The following TMED10 variants were observed in gnomAD, a reference collection of about 807,000 sequenced individuals.
TMED10 encodes transmembrane emp24 domain-containing protein 10.
TMED10 carries 7 observed loss-of-function variants against 23.1 expected under a neutral mutation model. The observed-to-expected ratio is 0.30, with a 90% CI of 0.17 to 0.57. TMED10 has a LOEUF of 0.57. TMED10 is among the 20% of genes least tolerant of loss of function. TMED10 has a pLI of 0.91. For synonymous variants in TMED10, 113 were observed against 106.9 expected, an observed-to-expected ratio of 1.06 and a Z score of -0.35; for missense variants, 162 against 274.8, an observed-to-expected ratio of 0.59 and a Z score of 2.90.
intron 3 of TMED10, among the ~76,000 whole-genome samples, chr14:75,147,314 G>A (rs1205743934): frequency 2.6e-5 from 4 of 151,058 alleles, no homozygotes; most frequent in Non-Finnish European, 4.4e-5. Context: ...TCAGCCTCCC[G>A]AGTAGACTAG....
At chr14:75,147,643 G>A in intron 3 of TMED10, 21 bp downstream of exon 3, 5 of 1,612,956 alleles carry the variant, frequency 3.1e-6, no homozygotes, top group African/African-American at 2.7e-5. Flanking sequence ...TGCCTCCTCT[G>A]GCTGTTAGAG....
intron 3 of TMED10, among the ~76,000 whole-genome samples, chr14:75,145,123 G>A (rs1473904190): frequency 6.6e-6 from 1 of 152,354 alleles, no homozygotes; most frequent in Non-Finnish European, 1.5e-5. Flanking sequence ...GTTAAAGAAA[G>A]TAGTGGGGAG....
intron 1 of TMED10, among the ~76,000 whole-genome samples, chr14:75,163,327 C>T (rs916322648): frequency 1.3e-5 from 2 of 151,830 alleles, no homozygotes; most frequent in Non-Finnish European, 2.9e-5. Flanking sequence ...TTGAGGCAGG[C>T]AGATCACTTG....
At chr14:75,175,039 CAAAAAAAAAA>C (rs57423430) in intron 1 of TMED10, among the ~76,000 whole-genome samples, 10 of 87,058 alleles carry the variant, frequency 1.1e-4, no homozygotes, top group African/African-American at 3.1e-4. Context: ...GACTCCGTCT[CAAAAAAAAAA>C]AAAAAAAAAA....
intron 1 of TMED10, among the ~76,000 whole-genome samples, chr14:75,163,472 G>C (rs1176122249): frequency 2.8e-5 from 4 of 143,998 alleles, no homozygotes; most frequent in Non-Finnish European, 6.0e-5. Flanking sequence ...AGAATCGCTT[G>C]AACCCGGGAG....
intron 2 of TMED10, among the ~76,000 whole-genome samples, chr14:75,150,727 T>C (rs1237295713): frequency 6.6e-6 from 1 of 152,150 alleles, no homozygotes. Context: ...ACACTTAATA[T>C]TTGCACAACG....
chr14:75,174,757 ACGAGGCCAGG>A (rs1236631536), intron 1 of TMED10, among the ~76,000 whole-genome samples: 5 of 152,018 alleles, frequency 3.3e-5, no homozygotes, highest in African/African-American at 1.2e-4. Flanking sequence ...AAAAGTAAAA[ACGAGGCCAGG>A]CGCGGTGGCT....
At chr14:75,147,185 G>GTTTTTTTTTTGTTTTTTTTTTTTTTTTT (rs1491353231) in intron 3 of TMED10, among the ~76,000 whole-genome samples, 8 of 116,634 alleles carry the variant, frequency 6.9e-5, no homozygotes, top group African/African-American at 3.0e-4. Flanking sequence ...CTTCAAGGCT[G>GTTTTTTTTTTGTTTTTTTTTTTTTTTTT]TTTTTTTTTT....
At position 75,134,741 on chromosome 14, in the gene TMED10, C is replaced by G; in HGVS notation, c.*144G>C. The G allele has an allele frequency of 9.3e-7, 1 of 1,076,700 alleles. No individual in the cohort carries two copies. Among genetic ancestry groups the G allele is most frequent in the Non-Finnish European group, 1.3e-6 (1 of 749,304 alleles). 66.7% of individuals were successfully genotyped at this position (1,076,700 alleles called of 1,614,324 possible). A position where few individuals can be genotyped will look rare whatever the true frequency, so the allele number is the denominator to read the frequency against. On this transcript the variant is annotated 3_prime_UTR_variant, in exon 5 of 5. Coordinates refer to ENST00000303575, the MANE Select transcript of TMED10 (RefSeq NM_006827.6). ...TTGGGTGTAGGTGGTACCCCATGTCCTCCCACACCAAAAGAGATCAGTTCT... is the reference window on the plus strand; with the variant it reads ...TTGGGTGTAGGTGGTACCCCATGTCGTCCCACACCAAAAGAGATCAGTTCT...
At chr14:75,157,610 A>G (rs938628783) in intron 1 of TMED10, among the ~76,000 whole-genome samples, 8 of 151,454 alleles carry the variant, frequency 5.3e-5, no homozygotes, top group African/African-American at 1.9e-4. Flanking sequence ...TGATTGTGCC[A>G]CTGCACTCCA....
chr14:75,165,298 G>T (rs766615357), intron 1 of TMED10, among the ~76,000 whole-genome samples: 2 of 152,032 alleles, frequency 1.3e-5, no homozygotes, highest in Non-Finnish European at 2.9e-5. Flanking sequence ...CATGATCTTG[G>T]CTCACCACAA....
At chr14:75,164,226 C>T (rs1006287108) in intron 1 of TMED10, among the ~76,000 whole-genome samples, 289 of 145,932 alleles carry the variant, frequency 2.0e-3, no homozygotes, top group Non-Finnish European at 2.9e-3. Flanking sequence ...CCACCATGCC[C>T]GGCTTTTTTT....
intron 3 of TMED10, 48 bp from the exon 4 acceptor site, chr14:75,135,934 T>C (rs1895743848): frequency 6.2e-7 from 1 of 1,600,722 alleles, no homozygotes; most frequent in Non-Finnish European, 8.5e-7. Flanking sequence ...ATCGCTTCAG[T>C]CAAGAACATA....
intron 1 of TMED10, among the ~76,000 whole-genome samples, chr14:75,166,213 A>G (rs1896160638): frequency 1.3e-5 from 2 of 152,276 alleles, no homozygotes; most frequent in East Asian, 1.9e-4. Context: ...GATTTCCCAC[A>G]TTTTATGTTG....
In TMED10 at chr14:75,147,651, G is replaced by A. The variant is rs753496318; in HGVS notation, c.411+13C>T. ...ACACTGCTGCCTCCTCTGGCTGTTA[G>A]AGCAGGACATACCTCTTCGTAATTT... On this transcript the variant is annotated intron_variant, in intron 3 of 4. Coordinates refer to ENST00000303575, the MANE Select transcript of TMED10 (RefSeq NM_006827.6). 6.2e-7 allele frequency: 1 copy of A among 1,613,880 alleles called. No individual in the cohort carries two copies. Among genetic ancestry groups the A allele is most frequent in the African/African-American group, 1.3e-5 (1 of 74,934 alleles).
chr14:75,172,184 G>A (rs1896242271), intron 1 of TMED10, among the ~76,000 whole-genome samples: 1 of 152,184 alleles, frequency 6.6e-6, no homozygotes, highest in Non-Finnish European at 1.5e-5. Flanking sequence ...GATAAAAAAG[G>A]AGGTGAGAGG....
At chr14:75,161,059 G>C (rs1343708058) in intron 1 of TMED10, among the ~76,000 whole-genome samples, 1 of 151,754 alleles carries the variant, frequency 6.6e-6, no homozygotes, top group African/African-American at 2.4e-5. Context: ...AAAAAGAGAA[G>C]GAAAAAAAAG....
intron 1 of TMED10, among the ~76,000 whole-genome samples, chr14:75,159,804 A>C (rs1896065328): frequency 6.6e-6 from 1 of 152,202 alleles, no homozygotes; most frequent in Admixed American, 6.5e-5. Context: ...CCTCTACCAC[A>C]TTGTACTGAG....
At chr14:75,165,435 C>A (rs570986753) in intron 1 of TMED10, among the ~76,000 whole-genome samples, 5 of 152,178 alleles carry the variant, frequency 3.3e-5, no homozygotes, top group African/African-American at 9.6e-5. Context: ...ACCATGTTGG[C>A]CAGGCTGGTC....
Sources: allele counts gnomAD v4.1 joint callset (sites outside exome capture counted in the v4.1 genomes callset), GRCh38; gene constraint gnomAD v4.1.1; transcripts MANE v1.5; gene names NCBI Gene and HGNC (gene_info 2026-07-23, HGNC 2026-07-21).